SPOCK3: variants seen among roughly 807,000 people sequenced by gnomAD.
SPOCK3 encodes the protein testican-3.
Under a neutral mutation model 56.6 loss-of-function variants are expected in SPOCK3, and 30 were observed. That is an observed-to-expected ratio of 0.53 (90% CI 0.40 to 0.72). The LOEUF is 0.72. Ranked by LOEUF, SPOCK3 falls within the 30% of genes least tolerant of loss-of-function variation. SPOCK3 has a pLI of 0.00. For missense variants in SPOCK3, 527 were observed against 530.0 expected (o/e 0.99, Z 0.06); for synonymous variants, 196 against 183.3 (o/e 1.07, Z -0.56).
At chr4:167,160,793 G>A (rs569823394) in intron 2 of SPOCK3, among the ~76,000 whole-genome samples, 1 of 152,228 alleles carries the variant, frequency 6.6e-6, no homozygotes, top group East Asian at 1.9e-4. Context: ...AATGGGAAAG[G>A]ACTCCCTATT....
chr4:167,213,314 A>T (rs1284930097), intron 2 of SPOCK3, among the ~76,000 whole-genome samples: 1 of 152,208 alleles, frequency 6.6e-6, no homozygotes, highest in Non-Finnish European at 1.5e-5. Context: ...GTGGAGCCAG[A>T]ATGCCACAGA....
intron 6 of SPOCK3, among the ~76,000 whole-genome samples, chr4:166,854,981 TC>T (rs917859707): frequency 6.6e-6 from 1 of 152,142 alleles, no homozygotes; most frequent in African/African-American, 2.4e-5. Flanking sequence ...TCTAACTGTA[TC>T]CCGCCCCACT....
At chr4:166,842,607 C>A (rs570173983) in intron 6 of SPOCK3, among the ~76,000 whole-genome samples, 5 of 152,202 alleles carry the variant, frequency 3.3e-5, no homozygotes, top group South Asian at 2.1e-4. Context: ...CTTAACTAGA[C>A]ATAAAGGTTT....
intron 7 of SPOCK3, among the ~76,000 whole-genome samples, chr4:166,778,505 G>C (rs73863821): frequency 0.015 from 2,272 of 152,186 alleles, 40 homozygotes; most frequent in African/African-American, 0.052. Context: ...ATTTGGCGAG[G>C]GGAAGGGGTA....
intron 6 of SPOCK3, among the ~76,000 whole-genome samples, chr4:166,872,844 A>G (rs1272540985): frequency 6.6e-6 from 1 of 152,100 alleles, no homozygotes; most frequent in Non-Finnish European, 1.5e-5. Flanking sequence ...AAAATTGGGC[A>G]TCTGTATCTG....
chr4:166,753,753 C>T (rs1450158025), intron 8 of SPOCK3, among the ~76,000 whole-genome samples: 1 of 151,988 alleles, frequency 6.6e-6, no homozygotes, highest in Non-Finnish European at 1.5e-5. Context: ...TTAACATCAA[C>T]ATTACACTTA....
chr4:166,836,068 A>T (rs1224219281), intron 6 of SPOCK3, among the ~76,000 whole-genome samples: 1 of 152,208 alleles, frequency 6.6e-6, no homozygotes, highest in Non-Finnish European at 1.5e-5. Flanking sequence ...CCTTTAAAAA[A>T]GTGTATTGTT....
At chr4:167,071,240 C>T (rs2150266475) in intron 2 of SPOCK3, among the ~76,000 whole-genome samples, 1 of 151,730 alleles carries the variant, frequency 6.6e-6, no homozygotes, top group African/African-American at 2.4e-5. Flanking sequence ...AATTAAGAAT[C>T]TTTTGTTTGT....
chr4:166,763,132 AG>A (rs1464123673), intron 7 of SPOCK3, among the ~76,000 whole-genome samples: 16 of 133,262 alleles, frequency 1.2e-4, no homozygotes, highest in South Asian at 7.4e-4. Flanking sequence ...AGCATCAAAA[AG>A]AAAAAAAAAA....
chr4:167,079,306 G>C (rs1028232798), intron 2 of SPOCK3, among the ~76,000 whole-genome samples: 1 of 151,888 alleles, frequency 6.6e-6, no homozygotes, highest in Non-Finnish European at 1.5e-5. Context: ...AAATTGTTTT[G>C]TCAGTATCCA....
At chr4:167,134,016 CTTTTTCTTTTTTTTTTTTT>C (rs1268464781) in intron 2 of SPOCK3, among the ~76,000 whole-genome samples, 3 of 142,314 alleles carry the variant, frequency 2.1e-5, no homozygotes, top group African/African-American at 7.9e-5. Flanking sequence ...ACTTTTACAC[CTTTTTCTTTTTTTTTTTTT>C]TTTTTTTTTT....
intron 4 of SPOCK3, among the ~76,000 whole-genome samples, chr4:166,959,619 G>GAA (rs11290751): frequency 1.4e-5 from 2 of 145,272 alleles, no homozygotes; most frequent in Non-Finnish European, 3.0e-5. Flanking sequence ...CTCAAAAAAA[G>GAA]AAAAAAAAAA....
At chr4:166,978,254 T>C (rs555579592) in intron 4 of SPOCK3, among the ~76,000 whole-genome samples, 1 of 152,258 alleles carries the variant, frequency 6.6e-6, no homozygotes, top group African/African-American at 2.4e-5. Flanking sequence ...AAATAATTCC[T>C]GGCACCTATT....
chr4:167,111,362 A>C (rs1035977841), intron 2 of SPOCK3, among the ~76,000 whole-genome samples: 7 of 152,018 alleles, frequency 4.6e-5, no homozygotes, highest in African/African-American at 1.7e-4. Flanking sequence ...CACAGTGATC[A>C]CTTTTTTTTT....
At chr4:166,776,167 C>T (rs1361056024) in intron 7 of SPOCK3, among the ~76,000 whole-genome samples, 1 of 152,084 alleles carries the variant, frequency 6.6e-6, no homozygotes, top group African/African-American at 2.4e-5. Context: ...GTAATCCCAG[C>T]ACTTTGGGAG....
rs374372960 is a variant in SPOCK3 at position 167,068,811 on chromosome 4, G to A, written c.190-6274C>T. 6.8e-4 allele frequency among the ~76,000 whole-genome samples: 103 copies of A among 152,004 alleles called. 1 individual carries two copies. Among genetic ancestry groups the A allele is most frequent in the African/African-American group, 2.3e-3 (95 of 41,530 alleles). ...GACTTCAAGGAGCTCAGAATCTAATGTGAAAGCCAGATGCATTCAGAATGG... is the reference window on the plus strand; with the variant it reads ...GACTTCAAGGAGCTCAGAATCTAATATGAAAGCCAGATGCATTCAGAATGG... On this transcript the variant is annotated intron_variant, in intron 2 of 10. Transcript: ENST00000357545.
chr4:166,987,274 G>A lies in SPOCK3; in HGVS notation c.350+13075C>T, dbSNP rs189394669. Among the ~76,000 whole-genome samples, 407 of 152,104 alleles carry A rather than the reference G, an allele frequency of 2.7e-3. 2 individuals are homozygous for A. Among genetic ancestry groups the A allele is most frequent in the Middle Eastern group, 3.4e-3 (1 of 294 alleles). ...TTTGCAATCTCTGTTCCCTGTGTCT[G>A]GCTCACTCTTGCCTGATATCTGAAA... On this transcript the variant is annotated intron_variant, in intron 4 of 10. Coordinates refer to ENST00000357545, the MANE Select transcript of SPOCK3 (RefSeq NM_001040159.2).
At chr4:167,196,571 C>G (rs191873978) in intron 2 of SPOCK3, among the ~76,000 whole-genome samples, 1 of 152,132 alleles carries the variant, frequency 6.6e-6, no homozygotes, top group South Asian at 2.1e-4. Flanking sequence ...CGTAAGTTTA[C>G]ATCATCTGTT....
chr4:167,037,814 T>A (rs1465123499), intron 3 of SPOCK3, among the ~76,000 whole-genome samples: 2 of 152,264 alleles, frequency 1.3e-5, no homozygotes, highest in Admixed American at 6.5e-5. Context: ...AACATAGTTT[T>A]ATCAAGTATT....
Sources: allele counts gnomAD v4.1 joint callset (sites outside exome capture counted in the v4.1 genomes callset), GRCh38; gene constraint gnomAD v4.1.1; transcripts MANE v1.5; gene names NCBI Gene and HGNC (gene_info 2026-07-23, HGNC 2026-07-21).